Variants in CNTN5 observed in about 807,000 individuals in gnomAD.
CNTN5 encodes the protein contactin 5, also known as contactin-5.
A neutral mutation model predicts 129.1 loss-of-function variants in CNTN5; 77 were observed. The observed-to-expected ratio is 0.60, with a 90% CI of 0.50 to 0.72. The LOEUF (loss-of-function observed/expected upper bound fraction) is 0.72. Ranked by LOEUF, CNTN5 falls within the 30% of genes least tolerant of loss-of-function variation. The pLI is 0.00. For synonymous variants in CNTN5, 509 were observed against 465.6 expected, an observed-to-expected ratio of 1.09 and a Z score of -1.20; for missense variants, 1,478 against 1,328.8, an observed-to-expected ratio of 1.11 and a Z score of -1.75.
intron 3 of CNTN5, among the ~76,000 whole-genome samples, chr11:99,646,548 C>T (rs920180931): frequency 2.6e-5 from 4 of 152,110 alleles, no homozygotes; most frequent in African/African-American, 4.8e-5. Context: ...CACTCACACA[C>T]GTTTGGCTGA....
At position 99,136,573 on chromosome 11, in the gene CNTN5, A is replaced by C. The variant is rs561845720; in HGVS notation, c.-210+115303A>C. The stretch of plus-strand genomic sequence containing the variant: ...ACTCATTGCTCATGCACAAAGCCTC[A>C]CCTCACATGAACCAACATCCATTCT... On this transcript the variant is annotated intron_variant, in intron 1 of 24. Transcript: ENST00000524871. Among the ~76,000 whole-genome samples the C allele has an allele frequency of 2.0e-4, 31 of 152,238 alleles. No individual in the cohort carries two copies. The South Asian group carries it at 6.0e-3, about 30-fold the overall frequency.
intron 7 of CNTN5, among the ~76,000 whole-genome samples, chr11:99,941,190 G>A (rs1397294172): frequency 6.6e-6 from 1 of 151,864 alleles, no homozygotes; most frequent in Non-Finnish European, 1.5e-5. Flanking sequence ...TAGAATACTG[G>A]AATTGGTTCA....
chr11:99,286,987 C>T (rs1456069564), intron 1 of CNTN5, among the ~76,000 whole-genome samples: 2 of 152,118 alleles, frequency 1.3e-5, no homozygotes, highest in African/African-American at 4.8e-5. Flanking sequence ...AAACATAACT[C>T]TTTCAACAAT....
chr11:100,334,743 A>G (rs1408475009), intron 21 of CNTN5, among the ~76,000 whole-genome samples: 1 of 152,202 alleles, frequency 6.6e-6, no homozygotes, highest in Non-Finnish European at 1.5e-5. Flanking sequence ...ATGCAAAGTT[A>G]TAAGAATGAC....
intron 2 of CNTN5, among the ~76,000 whole-genome samples, chr11:99,509,321 TACATGA>T (rs1946746406): frequency 6.6e-6 from 1 of 152,094 alleles, no homozygotes; most frequent in African/African-American, 2.4e-5. Context: ...TTCACCATCG[TACATGA>T]AAAATTCTCA....
intron 2 of CNTN5, among the ~76,000 whole-genome samples, chr11:99,542,155 A>G (rs954505038): frequency 2.6e-5 from 4 of 152,052 alleles, no homozygotes; most frequent in Non-Finnish European, 5.9e-5. Flanking sequence ...CATATCTATC[A>G]CCTCAAACAT....
chr11:99,427,174 T>C (rs1204980033), intron 2 of CNTN5, among the ~76,000 whole-genome samples: 1 of 152,206 alleles, frequency 6.6e-6, no homozygotes, highest in Non-Finnish European at 1.5e-5. Context: ...TAATCAGACA[T>C]AGGAAAAGTG....
chr11:99,341,824 C>A (rs1423984881), intron 2 of CNTN5, among the ~76,000 whole-genome samples: 1 of 152,110 alleles, frequency 6.6e-6, no homozygotes, highest in African/African-American at 2.4e-5. Context: ...CATGAACAGG[C>A]CTTGAGTCCA....
intron 4 of CNTN5, among the ~76,000 whole-genome samples, chr11:99,830,308 C>A (rs561118900): frequency 6.6e-6 from 1 of 152,096 alleles, no homozygotes. Flanking sequence ...TCTGTGTCTA[C>A]GCAAGCTTTT....
chr11:99,684,973 T>TTAGTTTATTATTTTTG (rs1953726212), intron 3 of CNTN5, among the ~76,000 whole-genome samples: 1 of 151,644 alleles, frequency 6.6e-6, no homozygotes, highest in Non-Finnish European at 1.5e-5. Flanking sequence ...TTTTTATTTT[T>TTAGTTTATTATTTTTG]TAGTTTATTA....
chr11:99,876,572 A>C (rs550051099), intron 6 of CNTN5, among the ~76,000 whole-genome samples: 2 of 152,218 alleles, frequency 1.3e-5, no homozygotes, highest in Non-Finnish European at 2.9e-5. Context: ...TTATTGTACT[A>C]TAACACATGA....
chr11:99,566,850 T>G (rs1483080724), intron 3 of CNTN5, among the ~76,000 whole-genome samples: 1 of 152,208 alleles, frequency 6.6e-6, no homozygotes, highest in Non-Finnish European at 1.5e-5. Context: ...TATCCTTTGG[T>G]TGGAGGTTTT....
Position 99,875,552 on chromosome 11 carries a change from C to T in CNTN5, c.577+30290C>T, listed in dbSNP as rs79814704. Among the ~76,000 whole-genome samples the T allele has an allele frequency of 6.7e-3, 1,015 of 152,126 alleles. 10 individuals are homozygous for T. Among genetic ancestry groups the T allele is most frequent in the African/African-American group, 0.023 (952 of 41,510 alleles). On this transcript the variant is annotated intron_variant, in intron 6 of 24. Coordinates refer to ENST00000524871, the MANE Select transcript of CNTN5 (RefSeq NM_014361.4). ...AAAATGTGGATGATATGTGTACATT[C>T]GTAGTTCTGTGTGCACTGTATTCTT...
At chr11:99,340,053 T>A (rs1866437126) in intron 2 of CNTN5, among the ~76,000 whole-genome samples, 2 of 152,104 alleles carry the variant, frequency 1.3e-5, no homozygotes, top group Admixed American at 1.3e-4. Context: ...TATTGATGGA[T>A]TAGATATGAC....
chr11:100,053,701 T>A (rs1943080230), intron 9 of CNTN5, among the ~76,000 whole-genome samples: 1 of 151,770 alleles, frequency 6.6e-6, no homozygotes, highest in African/African-American at 2.4e-5. Context: ...TACCGTACAT[T>A]CTAGAATTTC....
At chr11:99,667,233 T>A (rs900351284) in intron 3 of CNTN5, among the ~76,000 whole-genome samples, 3 of 152,136 alleles carry the variant, frequency 2.0e-5, no homozygotes, top group Admixed American at 2.0e-4. Context: ...TATTTTACCA[T>A]GTGTACCTCT....
At chr11:99,717,723 A>G (rs181116527) in intron 3 of CNTN5, among the ~76,000 whole-genome samples, 15 of 152,250 alleles carry the variant, frequency 9.9e-5, no homozygotes, top group Admixed American at 2.0e-4. Flanking sequence ...GAAAAATGTA[A>G]TACCAAAATC....
chr11:100,300,493 C>T lies in CNTN5; in HGVS notation c.2620+1097C>T, dbSNP rs192769912. ...AAATATAAACTAACCCTTATACTTC[C>T]TCTGTGCCCACATGTAGGACTTGAA... On this transcript the variant is annotated intron_variant, in intron 20 of 24. Transcript: ENST00000524871. 4.7e-4 allele frequency among the ~76,000 whole-genome samples: 72 copies of T among 151,624 alleles called. No homozygotes were observed. The East Asian group carries it at 0.011, about 24-fold the overall frequency.
chr11:100,240,314 G>A (rs1414455754), intron 16 of CNTN5, among the ~76,000 whole-genome samples: 1 of 151,158 alleles, frequency 6.6e-6, no homozygotes, highest in Non-Finnish European at 1.5e-5. Context: ...TGAGTTAGAT[G>A]GTGGCATCGG....
Sources: allele counts gnomAD v4.1 joint callset (sites outside exome capture counted in the v4.1 genomes callset), GRCh38; gene constraint gnomAD v4.1.1; transcripts MANE v1.5; gene names NCBI Gene and HGNC (gene_info 2026-07-23, HGNC 2026-07-21).